Variants in PLPPR1 observed in about 807,000 individuals in gnomAD.
PLPPR1 encodes the protein phospholipid phosphatase-related protein type 1.
A neutral mutation model predicts 33.1 loss-of-function variants in PLPPR1; 10 were observed. The ratio of observed to expected loss-of-function variants is 0.30; its 90% CI spans 0.19 to 0.51. The LOEUF (loss-of-function observed/expected upper bound fraction) is 0.51, where lower values mean the gene tolerates loss of function less well. Among genes scored for constraint, PLPPR1 ranks in the 20% least tolerant of loss-of-function variants. The pLI is 0.97. For missense variants in PLPPR1, 304 were observed against 408.1 expected (o/e 0.74, Z 2.20); for synonymous variants, 151 against 151.0 (o/e 1.00, Z 0.00).
At chr9:101,138,465 G>A (rs1319049904) in intron 1 of PLPPR1, among the ~76,000 whole-genome samples, 5 of 152,178 alleles carry the variant, frequency 3.3e-5, no homozygotes, top group East Asian at 1.9e-4. Context: ...CATGCTGGGT[G>A]CTGTACTAAA....
chr9:101,033,135 G>A (rs140027344), intron 1 of PLPPR1, among the ~76,000 whole-genome samples: 27 of 152,262 alleles, frequency 1.8e-4, no homozygotes, highest in African/African-American at 6.5e-4. Flanking sequence ...CAGGAACTAG[G>A]TCCCTTACTG....
chr9:101,064,825 G>A (rs544482376), intron 1 of PLPPR1, among the ~76,000 whole-genome samples: 6 of 152,096 alleles, frequency 3.9e-5, no homozygotes, highest in Admixed American at 3.3e-4. Context: ...GGTCGCTCAG[G>A]GAGTCTCATG....
chr9:101,127,826 T>C (rs1312785202), intron 1 of PLPPR1, among the ~76,000 whole-genome samples: 1 of 152,162 alleles, frequency 6.6e-6, no homozygotes, highest in Non-Finnish European at 1.5e-5. Context: ...ATGCAAGCCT[T>C]GCCCCAGCTT....
chr9:101,169,553 CA>C (rs979962791), intron 1 of PLPPR1, among the ~76,000 whole-genome samples: 2 of 152,114 alleles, frequency 1.3e-5, no homozygotes, highest in African/African-American at 4.8e-5. Context: ...TCAACTGCTT[CA>C]GGTCACCTGC....
intron 3 of PLPPR1, among the ~76,000 whole-genome samples, chr9:101,277,269 A>G (rs1828214305): frequency 6.6e-6 from 1 of 152,196 alleles, no homozygotes; most frequent in East Asian, 1.9e-4. Flanking sequence ...GTATATAAAG[A>G]ACTCTCTCCT....
At chr9:101,086,820 G>A (rs1433318477) in intron 1 of PLPPR1, among the ~76,000 whole-genome samples, 1 of 152,136 alleles carries the variant, frequency 6.6e-6, no homozygotes, top group Non-Finnish European at 1.5e-5. Flanking sequence ...TATCCACAGT[G>A]TTCCAAGGCT....
intron 1 of PLPPR1, among the ~76,000 whole-genome samples, chr9:101,150,849 C>G (rs1354902968): frequency 6.6e-6 from 1 of 151,772 alleles, no homozygotes; most frequent in African/African-American, 2.4e-5. Flanking sequence ...CTCATTGCCT[C>G]TAACAAAATG....
chr9:101,046,880 C>T (rs1310331302), intron 1 of PLPPR1, among the ~76,000 whole-genome samples: 1 of 152,066 alleles, frequency 6.6e-6, no homozygotes, highest in African/African-American at 2.4e-5. Flanking sequence ...ACGCATTTAT[C>T]TTGGTTAAGT....
At chr9:101,304,517 T>C (rs1828811362) in intron 4 of PLPPR1, among the ~76,000 whole-genome samples, 1 of 152,230 alleles carries the variant, frequency 6.6e-6, no homozygotes, top group Non-Finnish European at 1.5e-5. Flanking sequence ...GAATAATCTA[T>C]GCAAGTGTAA....
At chr9:101,267,192 A>G (rs564153679) in intron 2 of PLPPR1, among the ~76,000 whole-genome samples, 3 of 152,324 alleles carry the variant, frequency 2.0e-5, no homozygotes, top group East Asian at 1.9e-4. Context: ...TCAACTGGCT[A>G]TGTTCCTTGC....
rs180878002 is a variant in PLPPR1, at chr9:101,266,164, C to T, written c.64-3716C>T. 4.0e-5 allele frequency among the ~76,000 whole-genome samples: 6 copies of T among 150,456 alleles called. No homozygotes were observed. In the East Asian group the frequency reaches 1.0e-3, roughly 25 times the overall value. On this transcript the variant is annotated intron_variant, in intron 2 of 7. Coordinates refer to ENST00000374874, the MANE Select transcript of PLPPR1 (RefSeq NM_207299.2). ...AGGGAAGGCCGGGCGCGGTGGCTCA[C>T]GCCTGTAATCCCAACACTTTGGGAG... is the stretch of plus-strand genomic sequence containing the variant.
chr9:101,093,131 G>T (rs899066195), intron 1 of PLPPR1, among the ~76,000 whole-genome samples: 1 of 152,156 alleles, frequency 6.6e-6, no homozygotes, highest in South Asian at 2.1e-4. Context: ...GAAGGAGAGA[G>T]GCAAGTCACC....
intron 7 of PLPPR1, among the ~76,000 whole-genome samples, chr9:101,319,300 C>T (rs1829111366): frequency 1.3e-5 from 2 of 151,202 alleles, no homozygotes; most frequent in Non-Finnish European, 2.9e-5. Context: ...CCTCAGCCTC[C>T]CAAGTAGCTG....
intron 4 of PLPPR1, among the ~76,000 whole-genome samples, chr9:101,297,888 C>T (rs1015285140): frequency 6.6e-6 from 1 of 152,062 alleles, no homozygotes; most frequent in African/African-American, 2.4e-5. Flanking sequence ...AGTTAAACAC[C>T]CACCTTTCTT....
At chr9:101,310,788 A>G (rs1828940662) in intron 5 of PLPPR1, among the ~76,000 whole-genome samples, 1 of 152,214 alleles carries the variant, frequency 6.6e-6, no homozygotes, top group South Asian at 2.1e-4. Context: ...GATCACATCG[A>G]TAGGGTTATT....
chr9:101,309,511 G>C, intron 5 of PLPPR1, 50 bp downstream of exon 5: 1 of 1,586,794 alleles, frequency 6.3e-7, no homozygotes, highest in Non-Finnish European at 8.6e-7. Context: ...GATAGGATGT[G>C]TGTCTCCCTG....
intron 1 of PLPPR1, among the ~76,000 whole-genome samples, chr9:101,083,707 T>G (rs1461983506): frequency 6.6e-6 from 1 of 151,886 alleles, no homozygotes; most frequent in African/African-American, 2.4e-5. Context: ...CCTTTATCTA[T>G]TTTAAAGAAG....
chr9:101,266,056 T>C (rs1215181987), intron 2 of PLPPR1, among the ~76,000 whole-genome samples: 1 of 151,320 alleles, frequency 6.6e-6, no homozygotes, highest in Non-Finnish European at 1.5e-5. Context: ...AAAATCTGAG[T>C]TGTTCTATTT....
At chr9:101,194,541 A>G (rs1826358912) in intron 2 of PLPPR1, among the ~76,000 whole-genome samples, 1 of 152,102 alleles carries the variant, frequency 6.6e-6, no homozygotes, top group African/African-American at 2.4e-5. Flanking sequence ...CCTGAGGTCA[A>G]GAGTTTGAGA....
Sources: allele counts gnomAD v4.1 joint callset (sites outside exome capture counted in the v4.1 genomes callset), GRCh38; gene constraint gnomAD v4.1.1; transcripts MANE v1.5; gene names NCBI Gene and HGNC (gene_info 2026-07-23, HGNC 2026-07-21).